Variants in LRRTM1 observed in about 807,000 individuals in gnomAD.
The protein encoded by LRRTM1 is leucine-rich repeat transmembrane neuronal protein 1.
LRRTM1 carries 8 observed loss-of-function variants against 37.3 expected under a neutral mutation model. The observed-to-expected ratio is 0.21, with a 90% CI of 0.13 to 0.39. LRRTM1 has a LOEUF of 0.39. LRRTM1 is among the 10% of genes least tolerant of loss of function. LRRTM1 has a pLI of 1.00. For synonymous variants in LRRTM1, 326 were observed against 316.8 expected, an observed-to-expected ratio of 1.03 and a Z score of -0.31; for missense variants, 557 against 691.0, an observed-to-expected ratio of 0.81 and a Z score of 2.17.
In LRRTM1 at chr2:80,302,904, G is replaced by A. The variant is rs374701054; in HGVS notation, c.916C>T (p.Leu306=). 5.0e-6 allele frequency: 8 copies of A among 1,614,034 alleles called. No homozygotes were observed. In the African/African-American group the frequency reaches 1.1e-4, roughly 22 times the overall value. The part of the protein sequence containing the change: ...EPRILNSWKS[L]TSITLAGNLW... Reference sequence around the variant, plus strand: ...TTCCCGGCCAGGGTGATGCTTGTCAGGGACTTCCAAGAGTTGAGGATCCGG... The same window carrying A: ...TTCCCGGCCAGGGTGATGCTTGTCAAGGACTTCCAAGAGTTGAGGATCCGG... The change falls in exon 2 of 2, where the codon CTG becomes TTG. Residue 306 remains leucine (L), a synonymous_variant. Coordinates refer to ENST00000295057, the MANE Select transcript of LRRTM1 (RefSeq NM_178839.5). This position sits in a 1 kb window ranked among gnomAD's most constrained non-coding sequence, Gnocchi z 6.4.
chr2:80,302,531 G>T lies in LRRTM1; in HGVS notation c.1289C>A (p.Thr430Lys). ...GGAGAAGATGAGGGCCATGGTGCCC[G>T]TGACCACCTTGTGGATCTGCACGGC... ...ENAVQIHKVV[T>K]GTMALIFSFL... The change falls in exon 2 of 2, where the codon ACG becomes AAG. Residue 430 changes from threonine to lysine, a missense_variant. Thr to Lys is a moderately conservative substitution (Grantham distance 78). Coordinates refer to ENST00000295057, the MANE Select transcript of LRRTM1 (RefSeq NM_178839.5). The surrounding 1 kb of genome is among the most constrained non-coding windows in gnomAD (Gnocchi z 6.4). The T allele has an allele frequency of 6.2e-7, 1 of 1,611,732 alleles. No individual in the cohort carries two copies.
chr2:80,290,267 A>G (rs917542341), intron 2 of LRRTM1, among the ~76,000 whole-genome samples: 2 of 152,084 alleles, frequency 1.3e-5, no homozygotes, highest in Non-Finnish European at 1.5e-5. Context: ...AATAAAGACA[A>G]CTCTGGGATG....
chr2:80,299,929 G>T (rs1352172020), downstream of LRRTM1, among the ~76,000 whole-genome samples: 1 of 152,124 alleles, frequency 6.6e-6, no homozygotes, highest in Admixed American at 6.5e-5. Context: ...TAAGTTCACG[G>T]AATCCAAGGA....
At chr2:80,290,591 T>C (rs1675150654) in intron 2 of LRRTM1, among the ~76,000 whole-genome samples, 1 of 151,002 alleles carries the variant, frequency 6.6e-6, no homozygotes, top group Non-Finnish European at 1.5e-5. Context: ...GAAAATACTA[T>C]TTAGACATTT....
rs775079364 is a variant in LRRTM1 at position 80,303,846 on chromosome 2, G to A, written c.-27C>T. On this transcript the variant is annotated 5_prime_UTR_variant, in exon 2 of 2. Coordinates refer to ENST00000295057, the MANE Select transcript of LRRTM1 (RefSeq NM_178839.5). The surrounding 1 kb of genome is among the most constrained non-coding windows in gnomAD (Gnocchi z 7.7). ...AGCGAGAATCTTTCCAGAGAGACTG[G>A]AGAATGTCCATTGGAAGCGCTCGGT... 6 of 1,490,138 alleles carry A rather than the reference G, an allele frequency of 4.0e-6. No homozygotes were observed. The African/African-American group carries it at 8.4e-5, about 21-fold the overall frequency. 92.3% of individuals were successfully genotyped at this position (1,490,138 alleles called of 1,614,324 possible). A position where few individuals can be genotyped will look rare whatever the true frequency, so the allele number is the denominator to read the frequency against.
exon 3 of LRRTM1, chr2:80,289,087 C>T (rs939284299): frequency 6.6e-6 from 1 of 152,152 alleles, no homozygotes; most frequent in African/African-American, 2.4e-5. Flanking sequence ...TCTTTCCCAC[C>T]TTCTTCCAGA....
In LRRTM1 at chr2:80,304,330, G is replaced by C. The variant is rs1437789553; in HGVS notation, c.-238C>G. The C allele has an allele frequency of 6.5e-6, 1 of 152,936 alleles. No individual in the cohort carries two copies. Among genetic ancestry groups the C allele is most frequent in the Non-Finnish European group, 1.5e-5 (1 of 68,286 alleles). 9.5% of individuals were successfully genotyped at this position (152,936 alleles called of 1,614,324 possible). A position where few individuals can be genotyped will look rare whatever the true frequency, so the allele number is the denominator to read the frequency against. ...CGGCTCGGGGCTGCAAGGGCGGCCG[G>C]CAAGGCGGGGAGGCGACTTCTAGGA... is the stretch of plus-strand genomic sequence containing the variant. On this transcript the variant is annotated 5_prime_UTR_variant, in exon 1 of 2. Transcript: ENST00000295057.
intron 2 of LRRTM1, among the ~76,000 whole-genome samples, chr2:80,292,749 T>G (rs1013047232): frequency 2.0e-5 from 3 of 152,214 alleles, no homozygotes; most frequent in African/African-American, 7.2e-5. Flanking sequence ...ACTCCACAAA[T>G]GTTGACTTAA....
chr2:80,294,801 CAATA>C (rs1245702258), intron 2 of LRRTM1, among the ~76,000 whole-genome samples: 2 of 152,004 alleles, frequency 1.3e-5, no homozygotes, highest in Non-Finnish European at 2.9e-5. Context: ...GCTAGCTGAG[CAATA>C]GAGAAATAAG....
Position 80,303,305 on chromosome 2 carries a change from G to A in LRRTM1, c.515C>T (p.Ala172Val). 1 of 1,613,698 alleles carries A rather than the reference G, an allele frequency of 6.2e-7. No homozygotes were observed. Among genetic ancestry groups the A allele is most frequent in the Non-Finnish European group, 8.5e-7 (1 of 1,180,046 alleles). Residue 172 changes from alanine (A) to valine (V), a missense_variant, in exon 2 of 2, where the codon GCC (alanine) becomes GTC (valine). Coordinates refer to ENST00000295057, the MANE Select transcript of LRRTM1 (RefSeq NM_178839.5). This position sits in a 1 kb window ranked among gnomAD's most constrained non-coding sequence, Gnocchi z 7.7. ...GATGCGCACGGGCACAAACTGGATG[G>A]CGTTGGCCCGCATATGCAGCGTGGT... The part of the protein sequence containing the change: ...KLTTLHMRAN[A>V]IQFVPVRIFQ...
At chr2:80,289,325 A>G (rs1465066508) in intron 2 of LRRTM1, 1 of 152,204 alleles carries the variant, frequency 6.6e-6, no homozygotes, top group Non-Finnish European at 1.5e-5. Context: ...GCCATTGACT[A>G]ACAGAGAGGG....
downstream of LRRTM1, chr2:80,299,333 C>T (rs1017826988): frequency 6.6e-6 from 1 of 152,128 alleles, no homozygotes; most frequent in African/African-American, 2.4e-5. Context: ...TTAGTTAAAA[C>T]TACCACTTTC....
intron 2 of LRRTM1, among the ~76,000 whole-genome samples, chr2:80,296,193 T>C (rs536916509): frequency 6.6e-6 from 1 of 152,320 alleles, no homozygotes; most frequent in East Asian, 1.9e-4. Context: ...ATTTATTTTT[T>C]TAGCACACTG....
chr2:80,303,767 G>A lies in LRRTM1; in HGVS notation c.53C>T (p.Ser18Leu). The A allele has an allele frequency of 6.4e-7, 1 of 1,570,216 alleles. No individual in the cohort carries two copies. The highest frequency in any genetic ancestry group is 8.6e-7 in the Non-Finnish European group (1 of 1,159,332). Residue 18 changes from serine (S) to leucine (L), a missense_variant, in exon 2 of 2, where the codon TCG becomes TTG. Physicochemically the swap from Ser to Leu is moderately radical, Grantham distance 145. Coordinates refer to ENST00000295057, the MANE Select transcript of LRRTM1 (RefSeq NM_178839.5). This position sits in a 1 kb window ranked among gnomAD's most constrained non-coding sequence, Gnocchi z 7.7. ...LCLYWLLRRP[S>L]GVVLCLLGAC... ...CCCCAGCAGACACAAGACCACCCCC[G>A]AGGGCCTCCTCAGCAGCCAGTATAG... is the stretch of plus-strand genomic sequence containing the variant.
At chr2:80,289,198 G>T (rs2149174670) in intron 2 of LRRTM1, 1 of 152,168 alleles carries the variant, frequency 6.6e-6, no homozygotes, top group Admixed American at 6.5e-5. Flanking sequence ...TGACAGAACT[G>T]GGAAGAACCA....
downstream of LRRTM1, among the ~76,000 whole-genome samples, chr2:80,300,962 G>A (rs1405998633): frequency 4.6e-5 from 7 of 151,032 alleles, no homozygotes; most frequent in East Asian, 1.9e-4. Flanking sequence ...AAAAAAAAAA[G>A]GGAAAGCAAG....
intron 2 of LRRTM1, among the ~76,000 whole-genome samples, chr2:80,295,251 G>A (rs1220941007): frequency 1.3e-5 from 2 of 151,644 alleles, no homozygotes; most frequent in East Asian, 3.9e-4. Context: ...TGGGTAGGGG[G>A]CTACCTCACA....
At chr2:80,300,868 A>C (rs1462430573), downstream of LRRTM1, among the ~76,000 whole-genome samples, 2 of 151,808 alleles carry the variant, frequency 1.3e-5, no homozygotes, top group Non-Finnish European at 2.9e-5. Flanking sequence ...CTCACTCTTT[A>C]GTTCAATAGA....
chr2:80,302,108 A>T lies in LRRTM1; in HGVS notation c.*143T>A. ...AAGACACAATAAAGCTAAAATGTCA[A>T]GTCTCTGGGAGAGATCCCCTTAAAG... On this transcript the variant is annotated 3_prime_UTR_variant, in exon 2 of 2. Transcript: ENST00000295057. The surrounding 1 kb of genome is among the most constrained non-coding windows in gnomAD (Gnocchi z 6.4). The T allele has an allele frequency of 9.0e-7, 1 of 1,108,420 alleles. No individual in the cohort carries two copies. Among genetic ancestry groups the T allele is most frequent in the Non-Finnish European group, 1.2e-6 (1 of 805,828 alleles). The allele number at this position is 1,108,420 out of a possible 1,614,324, so 68.7% of individuals were successfully genotyped here.
Sources: allele counts gnomAD v4.1 joint callset (sites outside exome capture counted in the v4.1 genomes callset), GRCh38; gene constraint gnomAD v4.1.1; non-coding constraint Gnocchi (gnomAD v3.1); transcripts MANE v1.5; gene names NCBI Gene and HGNC (gene_info 2026-07-23, HGNC 2026-07-21).